The following EPHA7 variants were observed in gnomAD, a reference collection of about 807,000 sequenced individuals.
The protein encoded by EPHA7 is EPH receptor A7.
Under a neutral mutation model 112.6 loss-of-function variants are expected in EPHA7, and 25 were observed. That is an observed-to-expected ratio of 0.22 (90% CI 0.16 to 0.31). The LOEUF (loss-of-function observed/expected upper bound fraction) is 0.31, where lower values mean the gene tolerates loss of function less well. Among genes scored for constraint, EPHA7 ranks in the 10% least tolerant of loss-of-function variants. The pLI is 1.00. For missense variants in EPHA7, 962 were observed against 1,212.6 expected (o/e 0.79, Z 3.07); for synonymous variants, 437 against 406.5 (o/e 1.07, Z -0.90).
chr6:93,264,667 T>C lies in EPHA7; in HGVS notation c.1669A>G (p.Ile557Val). The C allele has an allele frequency of 6.2e-7, 1 of 1,606,888 alleles. No individual in the cohort carries two copies. The change falls in exon 8 of 17, where the codon ATC becomes GTC. Residue 557 changes from isoleucine (I) to valine (V), a missense_variant. By Grantham distance (29) the Ile-to-Val change is conservative. This residue lies in a region of EPHA7 where 746 missense variants were observed against 889.2 expected (regional missense o/e 0.84). Coordinates refer to ENST00000369303, the MANE Select transcript of EPHA7 (RefSeq NM_004440.4). ...AVSSEQNPVI[I>V]IAVVAVAGTI... ...CCAGCTACAGCAACCACAGCAATGA[T>C]AATAACAGGATTCTGTTCACTGGAG...
intron 5 of EPHA7, among the ~76,000 whole-genome samples, chr6:93,351,088 G>A (rs1052965025): frequency 6.6e-6 from 1 of 151,986 alleles, no homozygotes; most frequent in Non-Finnish European, 1.5e-5. Flanking sequence ...CCCAGCTGCC[G>A]AGATATTTGC....
chr6:93,412,080 A>T (rs1779002735), intron 2 of EPHA7, among the ~76,000 whole-genome samples: 1 of 152,080 alleles, frequency 6.6e-6, no homozygotes, highest in African/African-American at 2.4e-5. Flanking sequence ...TTAATCAATA[A>T]AATCATTTCA....
intron 3 of EPHA7, among the ~76,000 whole-genome samples, chr6:93,405,813 G>GTGTGTGTATATA (rs1357089640): frequency 2.7e-5 from 2 of 73,982 alleles, no homozygotes; most frequent in East Asian, 1.2e-3. Context: ...GTGTGTGTGT[G>GTGTGTGTATATA]TATATATATA....
intron 3 of EPHA7, among the ~76,000 whole-genome samples, chr6:93,388,303 G>C (rs976503860): frequency 6.6e-6 from 1 of 152,048 alleles, no homozygotes; most frequent in African/African-American, 2.4e-5. Flanking sequence ...CATTTAAGTT[G>C]ACATCTTTTC....
intron 4 of EPHA7, among the ~76,000 whole-genome samples, chr6:93,357,836 T>C (rs1235435357): frequency 6.6e-6 from 1 of 152,036 alleles, no homozygotes; most frequent in Non-Finnish European, 1.5e-5. Flanking sequence ...GTATTTTTGG[T>C]AGAGACGGGG....
At chr6:93,381,189 A>T (rs1400997498) in intron 3 of EPHA7, among the ~76,000 whole-genome samples, 1 of 152,226 alleles carries the variant, frequency 6.6e-6, no homozygotes, top group Non-Finnish European at 1.5e-5. Context: ...TTAGTGCTCC[A>T]TGCACATCTG....
intron 5 of EPHA7, among the ~76,000 whole-genome samples, chr6:93,279,448 G>A (rs1771625018): frequency 6.6e-6 from 1 of 151,892 alleles, no homozygotes; most frequent in Non-Finnish European, 1.5e-5. Flanking sequence ...CTGGCAAACT[G>A]GTATCTAATT....
At chr6:93,355,702 G>C (rs890408766) in intron 5 of EPHA7, among the ~76,000 whole-genome samples, 18 of 152,124 alleles carry the variant, frequency 1.2e-4, no homozygotes, top group Non-Finnish European at 1.0e-4. Context: ...GGTTTAGAAA[G>C]TCTCCAATTC....
chr6:93,309,208 C>T (rs1773409400), intron 5 of EPHA7, among the ~76,000 whole-genome samples: 1 of 152,200 alleles, frequency 6.6e-6, no homozygotes. Context: ...CTTAGCCTCC[C>T]AAAGGGCTGG....
chr6:93,419,149 G>A (rs1426377223), intron 1 of EPHA7, 96 bp downstream of exon 1: 43 of 1,014,148 alleles, frequency 4.2e-5, no homozygotes, highest in Non-Finnish European at 5.3e-5. Context: ...GCCCGGCGCC[G>A]GAGGCGCGGC....
intron 5 of EPHA7, among the ~76,000 whole-genome samples, chr6:93,305,222 T>C (rs1773192126): frequency 6.6e-6 from 1 of 151,622 alleles, no homozygotes; most frequent in African/African-American, 2.4e-5. Flanking sequence ...AGTTAGACCT[T>C]ATAGGATGGG....
intron 5 of EPHA7, among the ~76,000 whole-genome samples, chr6:93,278,885 C>T (rs1771596273): frequency 6.6e-6 from 1 of 151,852 alleles, no homozygotes; most frequent in South Asian, 2.1e-4. Context: ...CAGAAACTAG[C>T]AAGAGGAAAG....
intron 5 of EPHA7, among the ~76,000 whole-genome samples, chr6:93,354,417 C>T (rs1349245381): frequency 6.6e-6 from 1 of 151,822 alleles, no homozygotes; most frequent in Admixed American, 6.6e-5. Context: ...AAACTGCAAA[C>T]CTAGTTTTTT....
At chr6:93,320,744 G>A (rs1774028409) in intron 5 of EPHA7, among the ~76,000 whole-genome samples, 1 of 151,722 alleles carries the variant, frequency 6.6e-6, no homozygotes, top group Admixed American at 6.6e-5. Flanking sequence ...ATATAATTTG[G>A]AAAATTATAT....
In EPHA7 at chr6:93,269,762, G is replaced by C. The variant is rs910001762; in HGVS notation, c.1450-102C>G. Reference sequence around the variant, plus strand: ...TTCAATTTGCTCCATTGTTTTTATAGAGGCTACATTGTACTTTGTGGAATA... The same window carrying C: ...TTCAATTTGCTCCATTGTTTTTATACAGGCTACATTGTACTTTGTGGAATA... On this transcript the variant is annotated intron_variant, in intron 6 of 16. Coordinates refer to ENST00000369303, the MANE Select transcript of EPHA7 (RefSeq NM_004440.4). The C allele has an allele frequency of 6.5e-6, 6 of 927,334 alleles. No homozygotes were observed. In the African/African-American group the frequency reaches 8.6e-5, roughly 13 times the overall value. 57.4% of individuals were successfully genotyped at this position (927,334 alleles called of 1,614,324 possible).
intron 5 of EPHA7, among the ~76,000 whole-genome samples, chr6:93,280,503 G>A (rs1329686283): frequency 6.6e-6 from 1 of 152,128 alleles, no homozygotes; most frequent in Non-Finnish European, 1.5e-5. Context: ...TGATAGTTGA[G>A]TGGCTACACA....
At chr6:93,331,631 C>A (rs1167877083) in intron 5 of EPHA7, among the ~76,000 whole-genome samples, 1 of 151,336 alleles carries the variant, frequency 6.6e-6, no homozygotes, top group Non-Finnish European at 1.5e-5. Flanking sequence ...CATCTGAATA[C>A]CTAAGGACAA....
chr6:93,400,900 A>G (rs1778408344), intron 3 of EPHA7, among the ~76,000 whole-genome samples: 1 of 152,156 alleles, frequency 6.6e-6, no homozygotes, highest in South Asian at 2.1e-4. Context: ...GAATCATTCA[A>G]CTTAAAAATG....
At chr6:93,311,867 C>G (rs1773560109) in intron 5 of EPHA7, among the ~76,000 whole-genome samples, 1 of 152,130 alleles carries the variant, frequency 6.6e-6, no homozygotes, top group Non-Finnish European at 1.5e-5. Flanking sequence ...ATCATTTTAG[C>G]AGGCATGACA....
Sources: allele counts gnomAD v4.1 joint callset (sites outside exome capture counted in the v4.1 genomes callset), GRCh38; gene constraint gnomAD v4.1.1; regional missense constraint gnomAD v4.1.1; transcripts MANE v1.5; gene names NCBI Gene and HGNC (gene_info 2026-07-23, HGNC 2026-07-21).